AP2B1: variants seen among roughly 807,000 people sequenced by gnomAD.
The protein encoded by AP2B1 is adaptor related protein complex 2 subunit beta 1.
AP2B1 carries 23 observed loss-of-function variants against 102.0 expected under a neutral mutation model. The observed-to-expected ratio is 0.23, with a 90% CI of 0.16 to 0.32. The LOEUF (loss-of-function observed/expected upper bound fraction) is 0.32. Ranked by LOEUF, AP2B1 falls within the 10% of genes least tolerant of loss-of-function variation. AP2B1 has a pLI of 1.00. For synonymous variants in AP2B1, 381 were observed against 421.2 expected (o/e 0.90, Z 1.17); for missense variants, 541 against 1,157.4 (o/e 0.47, Z 7.73).
chr17:35,692,637 T>C (rs2076062700), intron 18 of AP2B1, among the ~76,000 whole-genome samples: 2 of 152,348 alleles, frequency 1.3e-5, no homozygotes, highest in South Asian at 4.1e-4. Context: ...TATTTTGCTA[T>C]AGCATGATGT....
chr17:35,720,571 ATATTTTTTT>A (rs1204164124), intron 21 of AP2B1, among the ~76,000 whole-genome samples: 1,070 of 43,710 alleles, frequency 0.024, 3 homozygotes, highest in East Asian at 0.052. Context: ...ATATATATAT[ATATTTTTTT>A]TTTTTTTTTT....
At chr17:35,627,943 T>A (rs2074361884) in intron 9 of AP2B1, among the ~76,000 whole-genome samples, 1 of 152,268 alleles carries the variant, frequency 6.6e-6, no homozygotes, top group South Asian at 2.1e-4. Flanking sequence ...TTGCTTTTAG[T>A]TATTCTTTTG....
chr17:35,680,783 G>A (rs4795085), intron 17 of AP2B1, among the ~76,000 whole-genome samples: 58,212 of 145,914 alleles, frequency 0.4, 11,868 homozygotes, highest in Non-Finnish European at 0.46. Flanking sequence ...TGCAACTTCC[G>A]CCTCCCGGGT....
chr17:35,670,584 A>G (rs1364183687), intron 14 of AP2B1, among the ~76,000 whole-genome samples: 1 of 152,156 alleles, frequency 6.6e-6, no homozygotes, highest in East Asian at 1.9e-4. Flanking sequence ...TGTGTACCCC[A>G]GTGCAAAGAT....
chr17:35,678,612 G>A (rs1220776297), intron 17 of AP2B1, among the ~76,000 whole-genome samples: 2 of 152,154 alleles, frequency 1.3e-5, no homozygotes, highest in Non-Finnish European at 2.9e-5. Context: ...TTACTAAAAT[G>A]ATTATGTGAA....
In AP2B1 at chr17:35,708,236, A is replaced by T. The variant is rs587697207; in HGVS notation, c.2455-988A>T. On this transcript the variant is annotated intron_variant, in intron 18 of 21. Transcript: ENST00000610402. ...CTGATCATAGAACTTGCTCAGATAA[A>T]TGTTTTCCTACAGCGCTAAGAGCAT... Among the ~76,000 whole-genome samples, 96 of 152,302 alleles carry T rather than the reference A, an allele frequency of 6.3e-4. No homozygotes were observed. The South Asian group carries it at 0.019, about 30-fold the overall frequency.
At chr17:35,660,935 A>G (rs1423600717) in intron 14 of AP2B1, among the ~76,000 whole-genome samples, 3 of 152,230 alleles carry the variant, frequency 2.0e-5, no homozygotes, top group Non-Finnish European at 2.9e-5. Flanking sequence ...TAGGAGTGGT[A>G]GAATTCAACC....
rs368482822 is a variant in AP2B1 at position 35,616,880 on chromosome 17, C to G, written c.526-7517C>G. Among the ~76,000 whole-genome samples, 61 of 152,278 alleles carry G rather than the reference C, an allele frequency of 4.0e-4. 1 individual carries two copies. The highest frequency in any genetic ancestry group is 1.3e-3 in the African/African-American group (56 of 41,562). ...ATAGATTTGGGTTTGTATCCTGGTT[C>G]TGCTATTTCTTAGACGAGTGGTGTC... On this transcript the variant is annotated intron_variant, in intron 5 of 21. Transcript: ENST00000610402.
chr17:35,710,362 C>A lies in AP2B1; in HGVS notation c.2626+42C>A. 5 of 1,335,958 alleles carry A rather than the reference C, an allele frequency of 3.7e-6. No individual in the cohort carries two copies. The South Asian group carries it at 4.9e-5, about 13-fold the overall frequency. The allele number at this position is 1,335,958 out of a possible 1,614,324, so 82.8% of individuals were successfully genotyped here. Reference sequence around the variant, plus strand: ...AAATTTCAGTTTCATCTTAGTAAATCAAATTAGATATTTGAAATTTTAATC... The same window carrying A: ...AAATTTCAGTTTCATCTTAGTAAATAAAATTAGATATTTGAAATTTTAATC... On this transcript the variant is annotated intron_variant, in intron 20 of 21. Transcript: ENST00000610402.
rs899719764 is a variant in AP2B1 at position 35,702,512 on chromosome 17, G to A, written c.2455-6712G>A. On this transcript the variant is annotated intron_variant, in intron 18 of 21. Transcript: ENST00000610402. ...TTAGCACGACCTCAGAGAGGTTGGAGGAGTTGGATTATAGGCAATTGCAAC... is the reference window on the plus strand; with the variant it reads ...TTAGCACGACCTCAGAGAGGTTGGAAGAGTTGGATTATAGGCAATTGCAAC... 3.9e-5 allele frequency among the ~76,000 whole-genome samples: 6 copies of A among 152,192 alleles called. No individual in the cohort carries two copies. The East Asian group carries it at 1.2e-3, about 29-fold the overall frequency.
intron 9 of AP2B1, among the ~76,000 whole-genome samples, chr17:35,629,777 C>G (rs1196928409): frequency 6.6e-6 from 1 of 152,150 alleles, no homozygotes. Flanking sequence ...CATGGAAGAC[C>G]TCTTGAAGAG....
chr17:35,649,316 G>A (rs973780322), intron 12 of AP2B1, among the ~76,000 whole-genome samples: 2 of 151,844 alleles, frequency 1.3e-5, no homozygotes, highest in Non-Finnish European at 2.9e-5. Flanking sequence ...TTGCCCAGGC[G>A]AGAGTGCAGT....
At chr17:35,715,948 A>G (rs781890648) in intron 20 of AP2B1, among the ~76,000 whole-genome samples, 12 of 152,222 alleles carry the variant, frequency 7.9e-5, no homozygotes, top group East Asian at 1.9e-4. Context: ...GGTGAGAGCT[A>G]CCTGCAAAAC....
chr17:35,647,505 GTATACA>G (rs956947052), intron 12 of AP2B1, among the ~76,000 whole-genome samples: 2 of 151,736 alleles, frequency 1.3e-5, no homozygotes, highest in Non-Finnish European at 2.9e-5. Flanking sequence ...ACATTCATAT[GTATACA>G]TATACATATA....
At chr17:35,662,207 T>C (rs1421086175) in intron 14 of AP2B1, among the ~76,000 whole-genome samples, 2 of 152,196 alleles carry the variant, frequency 1.3e-5, no homozygotes, top group African/African-American at 2.4e-5. Context: ...ATGGAATGCC[T>C]CTTCATCTCA....
intron 13 of AP2B1, among the ~76,000 whole-genome samples, chr17:35,657,289 A>G (rs1432749626): frequency 6.6e-6 from 1 of 152,234 alleles, no homozygotes; most frequent in Non-Finnish European, 1.5e-5. Flanking sequence ...TACAGTTTCT[A>G]CAGAGAACCA....
At chr17:35,624,308 C>T (rs574835176) in intron 5 of AP2B1, 89 bp from the exon 6 acceptor site, 21 of 1,202,386 alleles carry the variant, frequency 1.7e-5, no homozygotes, top group East Asian at 7.1e-5. Context: ...AATTGAGATC[C>T]GTGAAATGAC....
chr17:35,714,874 T>A (rs782043101), intron 20 of AP2B1, among the ~76,000 whole-genome samples: 1 of 152,192 alleles, frequency 6.6e-6, no homozygotes, highest in Non-Finnish European at 1.5e-5. Context: ...TACATTACAT[T>A]CTCATTATCA....
chr17:35,651,889 A>G (rs1007672971), intron 13 of AP2B1, among the ~76,000 whole-genome samples: 3 of 152,194 alleles, frequency 2.0e-5, no homozygotes, highest in African/African-American at 4.8e-5. Flanking sequence ...TTAACATTCT[A>G]TAGATGAGAC....
Sources: allele counts gnomAD v4.1 joint callset (sites outside exome capture counted in the v4.1 genomes callset), GRCh38; gene constraint gnomAD v4.1.1; transcripts MANE v1.5; gene names NCBI Gene and HGNC (gene_info 2026-07-23, HGNC 2026-07-21).